PIGB: variants seen among roughly 807,000 people sequenced by gnomAD.
PIGB encodes GPI alpha-1,2-mannosyltransferase 3.
A neutral mutation model predicts 68.4 loss-of-function variants in PIGB; 58 were observed. The ratio of observed to expected loss-of-function variants is 0.85; its 90% CI spans 0.69 to 1.06. PIGB has a LOEUF of 1.06. Ranked by LOEUF, PIGB falls within the 50% of genes least tolerant of loss-of-function variation. The pLI is 0.00. For missense variants in PIGB, 634 were observed against 655.8 expected (o/e 0.97, Z 0.36); for synonymous variants, 219 against 220.5 (o/e 0.99, Z 0.06).
intron 9 of PIGB, among the ~76,000 whole-genome samples, chr15:55,343,905 G>A (rs2055730262): frequency 6.6e-6 from 1 of 152,166 alleles, no homozygotes; most frequent in Non-Finnish European, 1.5e-5. Flanking sequence ...GGTTCCAACA[G>A]TAGGATCAGT....
In PIGB at chr15:55,354,856, A is replaced by G. The variant is rs1037960754; in HGVS notation, c.1396A>G (p.Lys466Glu). ...CCAGTGCCCGCCAGACCTGACTGGA[A>G]AAAGTCATTATCTTGATGAAGCAGA... ...FLQCPPDLTG[K>E]SHYLDEADVF... Residue 466 changes from lysine (K) to glutamate (E), a missense_variant, in exon 11 of 12, where the codon AAA becomes GAA. Lys to Glu is a moderately conservative substitution (Grantham distance 56, BLOSUM62 1). Transcript: ENST00000164305. 1.2e-6 allele frequency: 2 copies of G among 1,613,816 alleles called. No individual in the cohort carries two copies. Among genetic ancestry groups the G allele is most frequent in the Admixed American group, 3.3e-5 (2 of 60,026 alleles).
intron 11 of PIGB, 73 bp from the exon 12 acceptor site, chr15:55,355,213 A>G: frequency 8.4e-7 from 1 of 1,194,192 alleles, no homozygotes; most frequent in East Asian, 2.4e-5. Context: ...TAGAATAGGC[A>G]ATTCTAAAAT....
intron 9 of PIGB, among the ~76,000 whole-genome samples, chr15:55,342,617 C>A (rs2055696880): frequency 6.6e-6 from 1 of 152,210 alleles, no homozygotes; most frequent in Non-Finnish European, 1.5e-5. Context: ...GTCTCGAACT[C>A]CTGACCTCAG....
At chr15:55,332,328 C>G (rs573992937) in intron 5 of PIGB, among the ~76,000 whole-genome samples, 1 of 151,644 alleles carries the variant, frequency 6.6e-6, no homozygotes, top group African/African-American at 2.4e-5. Flanking sequence ...ATGTGTTATC[C>G]TTGAGCTTAC....
Position 55,329,716 on chromosome 15 carries a change from T to C in PIGB, c.523-8T>C. On this transcript the variant is annotated splice_region_variant and splice_polypyrimidine_tract_variant and intron_variant, in intron 4 of 11. Coordinates refer to ENST00000164305, the MANE Select transcript of PIGB (RefSeq NM_004855.5). Reference sequence around the variant, plus strand: ...TTTCATATATGTTTGCTCTGTACTTTTTCTTAGTTTTTTTGCCAGTTGTGC... The same window carrying C: ...TTTCATATATGTTTGCTCTGTACTTCTTCTTAGTTTTTTTGCCAGTTGTGC... 1.9e-6 allele frequency: 3 copies of C among 1,605,686 alleles called. No individual in the cohort carries two copies. The highest frequency in any genetic ancestry group is 2.5e-6 in the Non-Finnish European group (3 of 1,176,614).
At chr15:55,323,798 A>G (rs1376493559) in intron 3 of PIGB, among the ~76,000 whole-genome samples, 2 of 152,184 alleles carry the variant, frequency 1.3e-5, no homozygotes, top group South Asian at 2.1e-4. Context: ...GGCTCATGTT[A>G]TATGTCTTTT....
chr15:55,355,387 T>C lies in PIGB; in HGVS notation c.1620T>C (p.Tyr540=), dbSNP rs775040015. Residue 540 remains tyrosine (Y), a synonymous_variant, in exon 12 of 12, where the codon TAT becomes TAC. Coordinates refer to ENST00000164305, the MANE Select transcript of PIGB (RefSeq NM_004855.5). ...GAATTGGAAGTCACATATATGTCTA[T>C]GAACGGAAGTTAAAAGGGAAATTCA... The part of the protein sequence containing the change: ...EGRIGSHIYV[Y]ERKLKGKFNM... The C allele has an allele frequency of 3.1e-6, 5 of 1,610,888 alleles. No individual in the cohort carries two copies. Among genetic ancestry groups the C allele is most frequent in the Non-Finnish European group, 4.2e-6 (5 of 1,178,280 alleles).
At position 55,350,661 on chromosome 15, in the gene PIGB, T is replaced by G. The variant is rs756881679; in HGVS notation, c.1124-38T>G. ...ATTTGCAGTTAACATAACAAAAGAT[T>G]GTCAGTGTTAAGGTTCAATATGTCT... On this transcript the variant is annotated intron_variant, in intron 9 of 11. Coordinates refer to ENST00000164305, the MANE Select transcript of PIGB (RefSeq NM_004855.5). 20 of 1,264,200 alleles carry G rather than the reference T, an allele frequency of 1.6e-5. No individual in the cohort carries two copies. In the South Asian group the frequency reaches 2.5e-4, roughly 16 times the overall value. The allele number at this position is 1,264,200 out of a possible 1,614,324, so 78.3% of individuals were successfully genotyped here. A position where few individuals can be genotyped will look rare whatever the true frequency, so the allele number is the denominator to read the frequency against.
intron 3 of PIGB, among the ~76,000 whole-genome samples, chr15:55,326,045 A>C (rs1004577371): frequency 6.6e-6 from 1 of 151,542 alleles, no homozygotes; most frequent in African/African-American, 2.4e-5. Flanking sequence ...AAAATACAAA[A>C]AATTAGCTGG....
At chr15:55,355,129 G>C (rs2056046372) in intron 11 of PIGB, 151 bp downstream of exon 11, 1 of 881,826 alleles carries the variant, frequency 1.1e-6, no homozygotes, top group African/African-American at 1.7e-5. Flanking sequence ...ATTAGCCCCA[G>C]TTCTGTAACT....
At chr15:55,345,352 A>G (rs1020026572) in intron 9 of PIGB, among the ~76,000 whole-genome samples, 1 of 152,170 alleles carries the variant, frequency 6.6e-6, no homozygotes, top group East Asian at 1.9e-4. Context: ...ATTTATCTCG[A>G]TATCTCTAAA....
chr15:55,350,803 G>T lies in PIGB; in HGVS notation c.1228G>T (p.Gly410Cys). 6.2e-7 allele frequency: 1 copy of T among 1,604,726 alleles called. No individual in the cohort carries two copies. The highest frequency in any genetic ancestry group is 1.1e-5 in the South Asian group (1 of 90,866). Reference sequence around the variant, plus strand: ...TTATACTGGTTTAGTTCATCAACGAGGTACTCTTGATGTCATGAGTCATAT... The same window carrying T: ...TTATACTGGTTTAGTTCATCAACGATGTACTCTTGATGTCATGAGTCATAT... ...ALYTGLVHQR[G>C]TLDVMSHIQK... Residue 410 changes from glycine (G) to cysteine (C), a missense_variant, in exon 10 of 12, where the codon GGT becomes TGT. Coordinates refer to ENST00000164305, the MANE Select transcript of PIGB (RefSeq NM_004855.5).
chr15:55,341,232 G>T (rs746603150), intron 8 of PIGB, among the ~76,000 whole-genome samples: 3 of 152,168 alleles, frequency 2.0e-5, no homozygotes, highest in Non-Finnish European at 4.4e-5. Context: ...ATGATGGCAT[G>T]TGCCTGTAGT....
rs555806819 is a variant in PIGB at position 55,324,515 on chromosome 15, C to T, written c.418-3016C>T. Among the ~76,000 whole-genome samples the T allele has an allele frequency of 7.2e-4, 109 of 152,284 alleles. No individual in the cohort carries two copies. The Middle Eastern group carries it at 0.02, about 29-fold the overall frequency. ...CACCCTTGAAAAACTTCTCTTTATT[C>T]GGGGTAAATGTCTCTAGCTCTTAAC... On this transcript the variant is annotated intron_variant, in intron 3 of 11. Coordinates refer to ENST00000164305, the MANE Select transcript of PIGB (RefSeq NM_004855.5).
chr15:55,353,314 T>C (rs1004793053), intron 10 of PIGB, among the ~76,000 whole-genome samples: 4 of 152,184 alleles, frequency 2.6e-5, no homozygotes, highest in Non-Finnish European at 5.9e-5. Context: ...AAGACTAGAG[T>C]AGGCCGGCAG....
chr15:55,355,248 T>G, intron 11 of PIGB, 38 bp from the exon 12 acceptor site: 1 of 1,538,262 alleles, frequency 6.5e-7, no homozygotes, highest in Non-Finnish European at 8.9e-7. Flanking sequence ...CTCAGCAAAA[T>G]GTAGCCTTTA....
At position 55,321,296 on chromosome 15, in the gene PIGB, G is replaced by A. The variant is rs1298425095; in HGVS notation, c.323G>A (p.Trp108Ter). 1 of 1,604,278 alleles carries A rather than the reference G, an allele frequency of 6.2e-7. No homozygotes were observed. The highest frequency in any genetic ancestry group is 1.7e-5 in the Admixed American group (1 of 59,194). ...AATTATGGTTATTTGACTTGGGAAT[G>A]GACAGAGAGACTGAGGAGTTACACT... is the stretch of plus-strand genomic sequence containing the variant. Reference protein sequence around the residue: ...VFNYGYLTWEWTERLRSYTYP... With the variant: ...VFNYGYLTWE The change falls in exon 3 of 12, where the codon TGG becomes TAG. Residue 108 changes from tryptophan (W) to a stop codon, truncating the protein, a stop_gained. Coordinates refer to ENST00000164305, the MANE Select transcript of PIGB (RefSeq NM_004855.5). LOFTEE classifies it high-confidence loss of function.
chr15:55,333,705 C>G (rs1393317180), intron 5 of PIGB, among the ~76,000 whole-genome samples, 162 bp from the exon 6 acceptor site: 1 of 152,120 alleles, frequency 6.6e-6, no homozygotes, highest in Non-Finnish European at 1.5e-5. Context: ...GCACTCCAGC[C>G]TGGGTGACAG....
Position 55,351,373 on chromosome 15 carries a change from C to T in PIGB, c.1337+461C>T, listed in dbSNP as rs934504130. ...CTGCCTGCCCTGGCCTCCCAAAGTG[C>T]GGGGATTACAGGTGTGAGCCACCGT... On this transcript the variant is annotated intron_variant, in intron 10 of 11. Coordinates refer to ENST00000164305, the MANE Select transcript of PIGB (RefSeq NM_004855.5). Among the ~76,000 whole-genome samples, 6 of 151,836 alleles carry T rather than the reference C, an allele frequency of 4.0e-5. 2 individuals are homozygous for T. Among genetic ancestry groups the T allele is most frequent in the Middle Eastern group, 6.8e-3 (2 of 292 alleles).
Sources: gnomAD v4.1 joint callset for allele counts (sites outside exome capture counted in the v4.1 genomes callset) on GRCh38, gnomAD v4.1.1 for gene constraint, MANE v1.5 for transcripts, NCBI Gene and HGNC (gene_info 2026-07-23, HGNC 2026-07-21) for gene names.